The following DVL1 variants were observed in gnomAD, a reference collection of about 807,000 sequenced individuals.
DVL1 encodes dishevelled segment polarity protein 1.
In DVL1, 49 loss-of-function variants were observed where a neutral mutation model predicts 65.0. That is an observed-to-expected ratio of 0.75 (90% CI 0.60 to 0.96). The LOEUF (loss-of-function observed/expected upper bound fraction) is 0.96. Ranked by LOEUF, DVL1 falls within the 40% of genes least tolerant of loss-of-function variation. DVL1 has a pLI of 0.00. For synonymous variants in DVL1, 608 were observed against 433.9 expected (o/e 1.40, Z -4.99); for missense variants, 1,197 against 1,045.4 (o/e 1.15, Z -2.00).
Position 1,340,469 on chromosome 1 carries a change from T to G in DVL1, c.640A>C (p.Arg214=). The change falls in exon 6 of 15, where the codon AGA becomes CGA. Residue 214 remains arginine (R), a synonymous_variant. Transcript: ENST00000378888. The part of the protein sequence containing the change: ...SSSTEQSTSS[R]LIRKHKRRRR... Reference sequence around the variant, plus strand: ...CGGCGTTTGTGCTTCCGGATGAGTCTGGATGAGGTGCTCTGCTCCGTGGAG... The same window carrying G: ...CGGCGTTTGTGCTTCCGGATGAGTCGGGATGAGGTGCTCTGCTCCGTGGAG... The G allele has an allele frequency of 6.2e-7, 1 of 1,610,796 alleles. No homozygotes were observed.
Position 1,342,036 on chromosome 1 carries a change from A to C in DVL1, c.466+17T>G. 1 of 1,550,930 alleles carries C rather than the reference A, an allele frequency of 6.4e-7. No homozygotes were observed. Among genetic ancestry groups the C allele is most frequent in the Non-Finnish European group, 8.7e-7 (1 of 1,144,026 alleles). ...GGAGGCTGGGGGTCCACAGCTGGGC[A>C]GACATGACCACTGTACCCTCCTCGC... On this transcript the variant is annotated intron_variant, in intron 4 of 14. Coordinates refer to ENST00000378888, the MANE Select transcript of DVL1 (RefSeq NM_001330311.2).
chr1:1,341,152 CAT>C (rs770667369), intron 5 of DVL1, among the ~76,000 whole-genome samples: 17 of 150,662 alleles, frequency 1.1e-4, no homozygotes, highest in Non-Finnish European at 2.2e-4. Context: ...CACACCTTCA[CAT>C]ACACCTGTAC....
intron 5 of DVL1, 87 bp from the exon 6 acceptor site, chr1:1,340,590 G>A: frequency 7.0e-7 from 1 of 1,422,826 alleles, no homozygotes; most frequent in African/African-American, 1.4e-5. Flanking sequence ...GTGGGAATCG[G>A]GGGTCTAGGC....
chr1:1,340,626 T>C, intron 5 of DVL1, 123 bp from the exon 6 acceptor site: 1 of 1,057,154 alleles, frequency 9.5e-7, no homozygotes, highest in Admixed American at 2.3e-5. Flanking sequence ...GCAGGCTCAG[T>C]GCCTGACGTC....
At chr1:1,338,229 T>TGCCCCCCCCCCCCC in intron 13 of DVL1, 40 bp downstream of exon 13, 1 of 1,522,352 alleles carries the variant, frequency 6.6e-7, no homozygotes, top group Non-Finnish European at 9.0e-7. Flanking sequence ...CCTCCGGCGT[T>TGCCCCCCCCCCCCC]CCCCTCCCCC....
In DVL1 at chr1:1,337,959, TA is replaced by T. The variant is rs762939816; in HGVS notation, c.1714+17del. 2.9e-4 allele frequency: 462 copies of T among 1,604,596 alleles called. No homozygotes were observed. Among genetic ancestry groups the T allele is most frequent in the Non-Finnish European group, 3.6e-4 (425 of 1,175,286 alleles). ...GGGGGCGGAGCCGGGGAAGGGCAGGTAGGGGCGGCGTTCTCACCTTCACTCT... is the reference window on the plus strand; with the variant it reads ...GGGGGCGGAGCCGGGGAAGGGCAGGTGGGGCGGCGTTCTCACCTTCACTCT... On this transcript the variant is annotated intron_variant, in intron 14 of 14. Transcript: ENST00000378888.
At chr1:1,338,774 T>A in intron 11 of DVL1, 121 bp from the exon 12 acceptor site, 2 of 1,433,584 alleles carry the variant, frequency 1.4e-6, no homozygotes, top group East Asian at 4.9e-5. Context: ...GGACGGTGCG[T>A]GACAGCAGGG....
chr1:1,346,458 C>T (rs934127796), intron 1 of DVL1, among the ~76,000 whole-genome samples: 2 of 152,294 alleles, frequency 1.3e-5, no homozygotes, highest in African/African-American at 4.8e-5. Context: ...CAAGGCTGGG[C>T]GAGACCCCCT....
At chr1:1,338,500 G>A (rs1025311770) in intron 12 of DVL1, 22 bp downstream of exon 12, 9 of 1,611,534 alleles carry the variant, frequency 5.6e-6, no homozygotes, top group South Asian at 2.2e-5. Flanking sequence ...GGCACTATCC[G>A]CCCGCGGGGA....
At chr1:1,343,193 T>C (rs1023176684) in intron 1 of DVL1, among the ~76,000 whole-genome samples, 2 of 151,882 alleles carry the variant, frequency 1.3e-5, no homozygotes, top group Non-Finnish European at 2.9e-5. Flanking sequence ...CCTCGGTTCA[T>C]GTATGTGGTG....
intron 10 of DVL1, 62 bp downstream of exon 10, chr1:1,339,520 G>T (rs770720741): frequency 1.3e-6 from 2 of 1,554,758 alleles, no homozygotes; most frequent in Non-Finnish European, 1.7e-6. Flanking sequence ...GAGGAGAGAG[G>T]CCTTCAGGCT....
Position 1,341,256 on chromosome 1 carries a change from G to A in DVL1, c.605+411C>T, listed in dbSNP as rs565652547. Among the ~76,000 whole-genome samples the A allele has an allele frequency of 4.5e-4, 69 of 152,046 alleles. 1 individual carries two copies. The South Asian group carries it at 6.0e-3, about 13-fold the overall frequency. On this transcript the variant is annotated intron_variant, in intron 5 of 14. Transcript: ENST00000378888. ...ACACCTGCGCACACGCGTGCATTGT[G>A]AAAACGCTCACGTGCACACTGTGAA...
intron 1 of DVL1, 80 bp from the exon 2 acceptor site, chr1:1,342,838 G>T: frequency 7.3e-7 from 1 of 1,376,540 alleles, no homozygotes; most frequent in Non-Finnish European, 1.0e-6. Context: ...GAGAGCAGGC[G>T]CTCCTCCTGC....
At chr1:1,337,877 G>A (rs745839316) in intron 14 of DVL1, 100 bp downstream of exon 14, 44 of 915,094 alleles carry the variant, frequency 4.8e-5, no homozygotes, top group Non-Finnish European at 7.1e-5. Flanking sequence ...TGGGGGTGGA[G>A]CAGCAGCGGG....
chr1:1,338,566 C>T lies in DVL1; in HGVS notation c.1295G>A (p.Arg432His), dbSNP rs1384067368. 4.3e-6 allele frequency: 7 copies of T among 1,612,550 alleles called. No homozygotes were observed. The highest frequency in any genetic ancestry group is 4.2e-6 in the Non-Finnish European group (5 of 1,179,868). ...GGTGATCTTGAGCCACATGCGGTCG[C>T]GGATCTCCAGTCCCGAGTCTGGCAG... ...MQLPDSGLEI[R>H]DRMWLKITIA... Residue 432 changes from arginine to histidine, a missense_variant, in exon 12 of 15, where the codon CGC becomes CAC. Arg to His is a conservative substitution (Grantham distance 29). Transcript: ENST00000378888.
chr1:1,339,969 C>T (rs933528433), intron 8 of DVL1, 69 bp downstream of exon 8: 3 of 1,571,520 alleles, frequency 1.9e-6, no homozygotes, highest in Admixed American at 1.7e-5. Flanking sequence ...CCCGCAGCCG[C>T]ACGTCACCCC....
intron 1 of DVL1, 143 bp from the exon 2 acceptor site, chr1:1,342,901 A>G (rs1047794992): frequency 6.6e-6 from 5 of 752,000 alleles, no homozygotes; most frequent in Middle Eastern, 5.9e-4. Flanking sequence ...CCTCTTGGGA[A>G]CCGTCCTTCC....
chr1:1,341,045 C>CCCTGCACACACATGCACA (rs796824525), intron 5 of DVL1, among the ~76,000 whole-genome samples: 6 of 142,124 alleles, frequency 4.2e-5, no homozygotes, highest in Admixed American at 1.4e-4. Context: ...ACACACGCAC[C>CCCTGCACACACATGCACA]CCTGCACACA....
In DVL1 at chr1:1,337,996, G is replaced by C. The variant is rs1268985844; in HGVS notation, c.1695C>G (p.Thr565=). 2.5e-6 allele frequency: 4 copies of C among 1,611,458 alleles called. No individual in the cohort carries two copies. The highest frequency in any genetic ancestry group is 1.3e-5 in the African/African-American group (1 of 74,872). ...DPGFSYGSGS[T]GSQQSEGSKS... ...TCTCACCTTCACTCTGCTGACTCCC[G>C]GTGCTGCCGCTGCCATAGCTAAAGC... Residue 565 remains threonine (T), a synonymous_variant, in exon 14 of 15, where the codon ACC becomes ACG. Coordinates refer to ENST00000378888, the MANE Select transcript of DVL1 (RefSeq NM_001330311.2).
Sources: allele counts gnomAD v4.1 joint callset (sites outside exome capture counted in the v4.1 genomes callset), GRCh38; gene constraint gnomAD v4.1.1; transcripts MANE v1.5; gene names NCBI Gene and HGNC (gene_info 2026-07-23, HGNC 2026-07-21).